Variants in METTL14 observed in about 807,000 individuals in gnomAD.
METTL14 encodes methyltransferase 14, N6-adenosine-methyltransferase non-catalytic subunit, also known as N(6)-adenosine-methyltransferase non-catalytic subunit METTL14.
Under a neutral mutation model 62.4 loss-of-function variants are expected in METTL14, and 32 were observed. The ratio of observed to expected loss-of-function variants is 0.51; its 90% CI spans 0.39 to 0.69. The LOEUF (loss-of-function observed/expected upper bound fraction) is 0.69. Among genes scored for constraint, METTL14 ranks in the 30% least tolerant of loss-of-function variants. The pLI is 0.00. For synonymous variants in METTL14, 150 were observed against 180.0 expected (o/e 0.83, Z 1.34); for missense variants, 340 against 551.9 (o/e 0.62, Z 3.85).
intron 3 of METTL14, among the ~76,000 whole-genome samples, chr4:118,690,746 C>T (rs1724221759): frequency 6.6e-6 from 1 of 150,950 alleles, no homozygotes; most frequent in Non-Finnish European, 1.5e-5. Context: ...GCTGCAGTAG[C>T]TTTGGATCAG....
chr4:118,711,062 A>G lies in METTL14; in HGVS notation c.*760A>G, dbSNP rs1724905068. The G allele has an allele frequency of 1.3e-5, 2 of 152,282 alleles. No individual in the cohort carries two copies. The highest frequency in any genetic ancestry group is 2.1e-4 in the South Asian group (1 of 4,822). 9.4% of individuals were successfully genotyped at this position (152,282 alleles called of 1,614,324 possible). A position where few individuals can be genotyped will look rare whatever the true frequency, so the allele number is the denominator to read the frequency against. ...GGACTTGAACTTGGATTGACCTTAA[A>G]TTTTATATTCCTCAAATAAAAGAGA... On this transcript the variant is annotated 3_prime_UTR_variant, in exon 11 of 11. Coordinates refer to ENST00000388822, the MANE Select transcript of METTL14 (RefSeq NM_020961.4).
chr4:118,686,753 A>C (rs1724076321), intron 1 of METTL14: 1 of 415,042 alleles, frequency 2.4e-6, no homozygotes, highest in South Asian at 1.7e-5. Context: ...TTAATATTGA[A>C]TTCAAACTTC....
chr4:118,696,975 G>A (rs533706958), intron 6 of METTL14, among the ~76,000 whole-genome samples: 1 of 152,068 alleles, frequency 6.6e-6, no homozygotes, highest in Non-Finnish European at 1.5e-5. Flanking sequence ...ATCACTGGTA[G>A]ATCGTTTAAG....
rs1208682358 is a variant in METTL14 at position 118,700,549 on chromosome 4, G to C, written c.646-1G>C. 6.2e-7 allele frequency: 1 copy of C among 1,609,392 alleles called. No homozygotes were observed. Among genetic ancestry groups the C allele is most frequent in the African/African-American group, 1.3e-5 (1 of 74,788 alleles). On this transcript the variant is annotated splice_acceptor_variant, in intron 7 of 10. Transcript: ENST00000388822. LOFTEE classifies it high-confidence loss of function. Reference sequence around the variant, plus strand: ...TGCAATATCGTTTTGATTTCTTACAGATTATGAAGTTAGAAATTGATGAGA... The same window carrying C: ...TGCAATATCGTTTTGATTTCTTACACATTATGAAGTTAGAAATTGATGAGA...
chr4:118,699,301 A>G (rs1724517194), intron 7 of METTL14, among the ~76,000 whole-genome samples: 1 of 152,098 alleles, frequency 6.6e-6, no homozygotes, highest in Non-Finnish European at 1.5e-5. Context: ...ACTTTTATTT[A>G]TATTTGTATG....
chr4:118,696,718 GAAAAC>G (rs923873496), intron 6 of METTL14, among the ~76,000 whole-genome samples: 3 of 151,994 alleles, frequency 2.0e-5, no homozygotes, highest in African/African-American at 7.2e-5. Flanking sequence ...ACTAATAAAA[GAAAAC>G]TATATGAAAA....
chr4:118,700,032 A>AT (rs879408263), intron 7 of METTL14, among the ~76,000 whole-genome samples: 1,581 of 146,688 alleles, frequency 0.011, 24 homozygotes, highest in African/African-American at 0.033. Context: ...AAAGAGAATA[A>AT]TTTTTTTTTT....
intron 1 of METTL14, 128 bp from the exon 2 acceptor site, chr4:118,687,795 G>A: frequency 1.6e-6 from 1 of 644,944 alleles, no homozygotes; most frequent in Non-Finnish European, 2.7e-6. Flanking sequence ...TGTTTTGTGT[G>A]TGTGTGTGTG....
At position 118,710,258 on chromosome 4, in the gene METTL14, G is replaced by A; in HGVS notation, c.1327G>A (p.Gly443Arg). 1 of 1,614,144 alleles carries A rather than the reference G, an allele frequency of 6.2e-7. No individual in the cohort carries two copies. Among genetic ancestry groups the A allele is most frequent in the Non-Finnish European group, 8.5e-7 (1 of 1,180,032 alleles). Residue 443 changes from glycine (G) to arginine (R), a missense_variant, in exon 11 of 11, where the codon GGG becomes AGG. This residue lies in a region of METTL14 where 44 missense variants were observed against 56.4 expected (regional missense o/e 0.78). Coordinates refer to ENST00000388822, the MANE Select transcript of METTL14 (RefSeq NM_020961.4). ...NFRGERGGFR[G>R]GRGGAHRGGF... is the part of the protein sequence containing the mutation. ...CCGAGGAGAAAGAGGTGGCTTTAGA[G>A]GGGGCCGTGGAGGAGCACACAGAGG...
At chr4:118,699,711 A>T (rs186931280) in intron 7 of METTL14, among the ~76,000 whole-genome samples, 1 of 152,310 alleles carries the variant, frequency 6.6e-6, no homozygotes, top group Admixed American at 6.5e-5. Flanking sequence ...AAACTAATAC[A>T]GTTTTTAAAA....
intron 2 of METTL14, among the ~76,000 whole-genome samples, chr4:118,688,835 AGCTAATTTTT>A (rs200925035): frequency 0.017 from 2,617 of 152,048 alleles, 35 homozygotes; most frequent in South Asian, 0.051. Context: ...CACCACCCCC[AGCTAATTTTT>A]GTATTTTTAG....
intron 3 of METTL14, among the ~76,000 whole-genome samples, chr4:118,689,729 G>A (rs111500032): frequency 5.4e-5 from 8 of 148,752 alleles, no homozygotes; most frequent in Non-Finnish European, 1.0e-4. Flanking sequence ...TGCAACCTCC[G>A]CCTCCTGGAT....
At chr4:118,692,883 A>G (rs1646884425) in intron 5 of METTL14, among the ~76,000 whole-genome samples, 1 of 151,978 alleles carries the variant, frequency 6.6e-6, no homozygotes, top group Non-Finnish European at 1.5e-5. Context: ...CTATTTCTAT[A>G]CGTTTGCCTA....
rs1219714817 is a variant in METTL14 at position 118,710,870 on chromosome 4, G to A, written c.*568G>A. On this transcript the variant is annotated 3_prime_UTR_variant, in exon 11 of 11. Transcript: ENST00000388822. ...CAAATCTAAATTTGATAGGGGAGGT[G>A]GAGATTCCAGGGGTGGGTGAAAGAA... 2 of 151,588 alleles carry A rather than the reference G, an allele frequency of 1.3e-5. No homozygotes were observed. The highest frequency in any genetic ancestry group is 2.9e-5 in the Non-Finnish European group (2 of 67,948). 9.4% of individuals were successfully genotyped at this position (151,588 alleles called of 1,614,324 possible). A position where few individuals can be genotyped will look rare whatever the true frequency, so the allele number is the denominator to read the frequency against.
Position 118,685,608 on chromosome 4 carries a change from G to T in METTL14, c.66+8G>T. On this transcript the variant is annotated splice_region_variant and intron_variant, in intron 1 of 10. Coordinates refer to ENST00000388822, the MANE Select transcript of METTL14 (RefSeq NM_020961.4). The stretch of plus-strand genomic sequence containing the variant: ...CAGCTCCTCGCGCAGCAGGTCCGCG[G>T]CCCTGGTGTCCCCTGTGGGAGGGAT... 4.3e-6 allele frequency: 7 copies of T among 1,613,856 alleles called. No homozygotes were observed. Among genetic ancestry groups the T allele is most frequent in the Non-Finnish European group, 5.1e-6 (6 of 1,179,818 alleles).
chr4:118,692,096 A>G lies in METTL14; in HGVS notation c.412+28A>G, dbSNP rs143868412. The G allele has an allele frequency of 9.8e-3, 12,775 of 1,299,210 alleles. 135 individuals carry two copies. The highest frequency in any genetic ancestry group is 0.011 in the Non-Finnish European group (10,172 of 916,400). The allele number at this position is 1,299,210 out of a possible 1,614,324, so 80.5% of individuals were successfully genotyped here. A position where few individuals can be genotyped will look rare whatever the true frequency, so the allele number is the denominator to read the frequency against. On this transcript the variant is annotated intron_variant, in intron 5 of 10. Coordinates refer to ENST00000388822, the MANE Select transcript of METTL14 (RefSeq NM_020961.4). ...ATGTCAGGTTTGTTTGGACTACGCTATTGCTGACTCTCAATTACATGCATG... is the reference window on the plus strand; with the variant it reads ...ATGTCAGGTTTGTTTGGACTACGCTGTTGCTGACTCTCAATTACATGCATG...
chr4:118,696,300 GTC>G (rs1724410862), intron 6 of METTL14, among the ~76,000 whole-genome samples: 2 of 151,714 alleles, frequency 1.3e-5, no homozygotes, highest in African/African-American at 4.8e-5. Flanking sequence ...GGGTCTCACT[GTC>G]TCTATTTTGA....
At chr4:118,698,667 A>C (rs1724497957) in intron 7 of METTL14, among the ~76,000 whole-genome samples, 1 of 152,042 alleles carries the variant, frequency 6.6e-6, no homozygotes, top group Non-Finnish European at 1.5e-5. Context: ...CAGGGTTTCT[A>C]TCTTGGGATA....
rs777934108 is a variant in METTL14 at position 118,685,613 on chromosome 4, G to T, written c.66+13G>T. 8 of 1,613,474 alleles carry T rather than the reference G, an allele frequency of 5.0e-6. No homozygotes were observed. The highest frequency in any genetic ancestry group is 6.8e-6 in the Non-Finnish European group (8 of 1,179,682). On this transcript the variant is annotated intron_variant, in intron 1 of 10. Transcript: ENST00000388822. ...CCTCGCGCAGCAGGTCCGCGGCCCT[G>T]GTGTCCCCTGTGGGAGGGATCGAGA...
Sources: gnomAD v4.1 joint callset for allele counts (sites outside exome capture counted in the v4.1 genomes callset) on GRCh38, gnomAD v4.1.1 for gene constraint, gnomAD v4.1.1 regional missense constraint, MANE v1.5 for transcripts, NCBI Gene and HGNC (gene_info 2026-07-23, HGNC 2026-07-21) for gene names.